The following FGF14 variants were observed in gnomAD, a reference collection of about 807,000 sequenced individuals.
FGF14 encodes the protein fibroblast growth factor 14.
Under a neutral mutation model 25.5 loss-of-function variants are expected in FGF14, and 5 were observed. The observed-to-expected ratio is 0.20, with a 90% CI of 0.10 to 0.41. FGF14 has a LOEUF of 0.41. Ranked by LOEUF, FGF14 falls within the 10% of genes least tolerant of loss-of-function variation. The pLI is 1.00. For missense variants in FGF14, 222 were observed against 320.1 expected (o/e 0.69, Z 2.34); for synonymous variants, 138 against 118.3 (o/e 1.17, Z -1.08).
At chr13:102,357,894 T>G (rs2057462369) in intron 1 of FGF14, among the ~76,000 whole-genome samples, 1 of 152,102 alleles carries the variant, frequency 6.6e-6, no homozygotes, top group African/African-American at 2.4e-5. Flanking sequence ...TAGAGCAAAA[T>G]GTACATATCT....
intron 3 of FGF14, among the ~76,000 whole-genome samples, chr13:101,732,476 T>C (rs1173377428): frequency 6.6e-6 from 1 of 152,152 alleles, no homozygotes; most frequent in Non-Finnish European, 1.5e-5. Context: ...CTAACCTCTA[T>C]TTTCCAGAGT....
At chr13:102,281,922 C>T (rs2053855537) in intron 1 of FGF14, among the ~76,000 whole-genome samples, 1 of 152,216 alleles carries the variant, frequency 6.6e-6, no homozygotes, top group African/African-American at 2.4e-5. Context: ...CTACTAGGCA[C>T]CTCTCACAAC....
intron 3 of FGF14, among the ~76,000 whole-genome samples, chr13:101,798,089 CT>C (rs1176518365): frequency 6.6e-6 from 1 of 152,074 alleles, no homozygotes; most frequent in Non-Finnish European, 1.5e-5. Context: ...TTAAATGACT[CT>C]GTTTTTTTGT....
At chr13:102,215,517 T>C (rs917504541) in intron 1 of FGF14, among the ~76,000 whole-genome samples, 1 of 152,200 alleles carries the variant, frequency 6.6e-6, no homozygotes, top group Non-Finnish European at 1.5e-5. Context: ...ACAGCCTATG[T>C]TCCCAAATAA....
chr13:102,265,531 A>G (rs2052946296), intron 1 of FGF14, among the ~76,000 whole-genome samples: 2 of 152,164 alleles, frequency 1.3e-5, no homozygotes, highest in Non-Finnish European at 2.9e-5. Flanking sequence ...GTGTTTTTCC[A>G]TATGTAAAAT....
At chr13:101,835,011 A>G (rs2042852990) in intron 3 of FGF14, among the ~76,000 whole-genome samples, 1 of 152,092 alleles carries the variant, frequency 6.6e-6, no homozygotes, top group Non-Finnish European at 1.5e-5. Context: ...ATGATGGCCT[A>G]TGGATATCTG....
intron 3 of FGF14, among the ~76,000 whole-genome samples, chr13:101,762,601 G>A (rs1454661835): frequency 6.6e-6 from 1 of 152,168 alleles, no homozygotes; most frequent in Non-Finnish European, 1.5e-5. Flanking sequence ...CGTGGGTCAA[G>A]AAATGAAACA....
chr13:102,107,412 T>C (rs1280240912), intron 1 of FGF14, among the ~76,000 whole-genome samples: 1 of 152,140 alleles, frequency 6.6e-6, no homozygotes, highest in Non-Finnish European at 1.5e-5. Flanking sequence ...TTAACCCAAT[T>C]GCATCTTGAC....
chr13:101,993,423 G>T (rs961085173), intron 1 of FGF14, among the ~76,000 whole-genome samples: 1 of 151,996 alleles, frequency 6.6e-6, no homozygotes, highest in African/African-American at 2.4e-5. Flanking sequence ...AAGAGCATTA[G>T]ATAATAAGTA....
chr13:102,047,979 AAGG>A (rs2042063385), intron 1 of FGF14, among the ~76,000 whole-genome samples: 1 of 151,998 alleles, frequency 6.6e-6, no homozygotes, highest in East Asian at 1.9e-4. Context: ...GTTCCTTTAG[AAGG>A]AGACTTTCTA....
At chr13:102,126,727 C>T (rs1266757222) in intron 1 of FGF14, among the ~76,000 whole-genome samples, 1 of 152,038 alleles carries the variant, frequency 6.6e-6, no homozygotes, top group Non-Finnish European at 1.5e-5. Context: ...AATAAAAGTA[C>T]CTAACTCTTA....
chr13:101,910,628 T>A (rs1284289723), intron 1 of FGF14, among the ~76,000 whole-genome samples: 1 of 152,098 alleles, frequency 6.6e-6, no homozygotes, highest in Non-Finnish European at 1.5e-5. Context: ...GTGTAGACAC[T>A]GTGTCTGCAT....
At chr13:102,293,741 C>T (rs2054549990) in intron 1 of FGF14, 1 of 152,080 alleles carries the variant, frequency 6.6e-6, no homozygotes, top group Non-Finnish European at 1.5e-5. Flanking sequence ...TAATAAATCC[C>T]CTTTTGTTTT....
intron 1 of FGF14, among the ~76,000 whole-genome samples, chr13:102,257,392 C>CCCAGG (rs1009836048): frequency 6.1e-5 from 7 of 115,568 alleles, no homozygotes; most frequent in Non-Finnish European, 1.2e-4. Context: ...CACTCTATCA[C>CCCAGG]CCAGGCTGGA....
At chr13:101,968,961 A>T (rs183353894) in intron 1 of FGF14, among the ~76,000 whole-genome samples, 2 of 150,914 alleles carry the variant, frequency 1.3e-5, no homozygotes, top group East Asian at 4.0e-4. Context: ...TCACCAGGTC[A>T]CTTTCCATCC....
chr13:101,837,643 C>CTA (rs2042991102), intron 3 of FGF14, among the ~76,000 whole-genome samples: 1 of 152,066 alleles, frequency 6.6e-6, no homozygotes, highest in Non-Finnish European at 1.5e-5. Context: ...GTCCCTCAAC[C>CTA]TATATACCTG....
intron 1 of FGF14, among the ~76,000 whole-genome samples, chr13:102,376,033 G>A (rs1487113746): frequency 5.3e-5 from 8 of 152,060 alleles, no homozygotes; most frequent in African/African-American, 1.7e-4. Flanking sequence ...ATAAAAATGC[G>A]TGGCTGGGCC....
rs535122285 is a variant in FGF14, at chr13:101,852,446, A to T, written c.408+16279T>A. ...ATTTTATCCTTTTCTTGAAGGAGGAAAAAAACAATCCCAAGTTACTTGCTG... is the reference window on the plus strand; with the variant it reads ...ATTTTATCCTTTTCTTGAAGGAGGATAAAAACAATCCCAAGTTACTTGCTG... On this transcript the variant is annotated intron_variant, in intron 3 of 4. Transcript: ENST00000376143. 2.0e-5 allele frequency among the ~76,000 whole-genome samples: 3 copies of T among 152,228 alleles called. No homozygotes were observed. The South Asian group carries it at 6.2e-4, about 32-fold the overall frequency.
chr13:101,914,944 G>C (rs956307354), intron 1 of FGF14, among the ~76,000 whole-genome samples: 1 of 152,176 alleles, frequency 6.6e-6, no homozygotes, highest in Non-Finnish European at 1.5e-5. Flanking sequence ...TAAGGCAGTC[G>C]AGTTGGTCTC....
Sources: gnomAD v4.1 joint callset for allele counts (sites outside exome capture counted in the v4.1 genomes callset) on GRCh38, gnomAD v4.1.1 for gene constraint, MANE v1.5 for transcripts, NCBI Gene and HGNC (gene_info 2026-07-23, HGNC 2026-07-21) for gene names.